Variants in GALNTL6 observed in about 807,000 individuals in gnomAD.
The protein encoded by GALNTL6 is polypeptide N-acetylgalactosaminyltransferase-like 6.
Under a neutral mutation model 73.7 loss-of-function variants are expected in GALNTL6, and 46 were observed. The observed-to-expected ratio is 0.62, with a 90% CI of 0.49 to 0.80. The LOEUF (loss-of-function observed/expected upper bound fraction) is 0.80. Among genes scored for constraint, GALNTL6 ranks in the 30% least tolerant of loss-of-function variants. GALNTL6 has a pLI of 0.00. For synonymous variants in GALNTL6, 259 were observed against 263.7 expected (o/e 0.98, Z 0.17); for missense variants, 604 against 755.0 (o/e 0.80, Z 2.34).
intron 5 of GALNTL6, among the ~76,000 whole-genome samples, chr4:172,552,809 T>C (rs1284391312): frequency 8.1e-6 from 1 of 122,778 alleles, no homozygotes; most frequent in African/African-American, 3.2e-5. Flanking sequence ...AATATCGTTA[T>C]ATTAGGCTGG....
chr4:171,897,779 T>G, intron 2 of GALNTL6, among the ~76,000 whole-genome samples: 1 of 150,058 alleles, frequency 6.7e-6, no homozygotes, highest in South Asian at 2.2e-4. Flanking sequence ...TGCAAAAAAA[T>G]TAGCCAGACA....
intron 2 of GALNTL6, among the ~76,000 whole-genome samples, chr4:172,092,725 C>T (rs566448585): frequency 6.6e-6 from 1 of 152,096 alleles, no homozygotes; most frequent in South Asian, 2.1e-4. Context: ...AAGAGACACA[C>T]AGAATCTTTC....
chr4:172,264,674 A>G (rs1738392353), intron 3 of GALNTL6, among the ~76,000 whole-genome samples: 4 of 145,564 alleles, frequency 2.7e-5, no homozygotes, highest in South Asian at 4.3e-4. Context: ...ATGTATGTGT[A>G]TATATATATA....
intron 2 of GALNTL6, among the ~76,000 whole-genome samples, chr4:172,189,715 T>C (rs558406026): frequency 2.0e-5 from 3 of 152,312 alleles, no homozygotes; most frequent in African/African-American, 4.8e-5. Context: ...GACTTTCTTA[T>C]ATAAAACAAA....
intron 2 of GALNTL6, among the ~76,000 whole-genome samples, chr4:172,174,265 G>A (rs1187488479): frequency 6.6e-6 from 1 of 152,114 alleles, no homozygotes; most frequent in Non-Finnish European, 1.5e-5. Context: ...AAGAAAATGT[G>A]AGGTGAAAAA....
At chr4:172,336,098 G>A (rs756624369) in intron 4 of GALNTL6, among the ~76,000 whole-genome samples, 19 of 151,788 alleles carry the variant, frequency 1.3e-4, no homozygotes, top group Non-Finnish European at 2.1e-4. Context: ...ATGAACTTTC[G>A]TCTTAACACT....
At chr4:172,467,846 C>CTTTCTT (rs1003668050) in intron 5 of GALNTL6, among the ~76,000 whole-genome samples, 8 of 145,082 alleles carry the variant, frequency 5.5e-5, no homozygotes, top group Non-Finnish European at 3.0e-5. Flanking sequence ...TTCTTTCTTT[C>CTTTCTT]TTTCTTTCTT....
intron 5 of GALNTL6, among the ~76,000 whole-genome samples, chr4:172,412,899 T>C (rs1744498154): frequency 6.6e-6 from 1 of 152,196 alleles, no homozygotes; most frequent in Non-Finnish European, 1.5e-5. Flanking sequence ...TCTCCTGTCC[T>C]CTGCCTACTG....
At chr4:172,714,254 C>A (rs1473168490) in intron 5 of GALNTL6, among the ~76,000 whole-genome samples, 1 of 151,894 alleles carries the variant, frequency 6.6e-6, no homozygotes, top group Non-Finnish European at 1.5e-5. Flanking sequence ...TTGGTTAGAT[C>A]AAATGTCTTT....
At position 172,952,253 on chromosome 4, in the gene GALNTL6, G is replaced by C. The variant is rs772106515; in HGVS notation, c.1366G>C (p.Gly456Arg). Reference sequence around the variant, plus strand: ...AGTGGAGCCCCCGCCTGCTGCCTGGGGGGAGGTGAGGAAAGGTTGCCTGAA... The same window carrying C: ...AGTGGAGCCCCCGCCTGCTGCCTGGCGGGAGGTGAGGAAAGGTTGCCTGAA... Reference protein sequence around the residue: ...PPVEPPPAAWGEIRNVAANLC... With the variant: ...PPVEPPPAAWREIRNVAANLC... Residue 456 changes from glycine to arginine, a missense_variant, in exon 10 of 13, where the codon GGG (glycine) becomes CGG (arginine). This residue lies in a region of GALNTL6 where 261 missense variants were observed against 296.5 expected (regional missense o/e 0.88). Transcript: ENST00000506823. The C allele has an allele frequency of 1.3e-5, 21 of 1,612,868 alleles. No individual in the cohort carries two copies. Among genetic ancestry groups the C allele is most frequent in the African/African-American group, 2.7e-5 (2 of 74,884 alleles).
chr4:173,038,940 T>C (rs1486000457), intron 12 of GALNTL6, among the ~76,000 whole-genome samples: 1 of 152,244 alleles, frequency 6.6e-6, no homozygotes, highest in Admixed American at 6.5e-5. Context: ...TCTTAAAATA[T>C]AAGCAGGGAT....
At chr4:172,077,180 A>C (rs1731726110) in intron 2 of GALNTL6, among the ~76,000 whole-genome samples, 1 of 152,170 alleles carries the variant, frequency 6.6e-6, no homozygotes, top group South Asian at 2.1e-4. Flanking sequence ...ACAAATACAG[A>C]AAATTGGTAC....
chr4:172,440,276 C>T (rs558311059), intron 5 of GALNTL6, among the ~76,000 whole-genome samples: 1 of 152,086 alleles, frequency 6.6e-6, no homozygotes, highest in Admixed American at 6.6e-5. Flanking sequence ...TATGGTACAT[C>T]CAAACAATGG....
chr4:172,594,461 T>G (rs1364856814), intron 5 of GALNTL6, among the ~76,000 whole-genome samples: 1 of 152,222 alleles, frequency 6.6e-6, no homozygotes, highest in Non-Finnish European at 1.5e-5. Context: ...CTGTATCACT[T>G]TTATAGTAAT....
rs71594019 is a variant in GALNTL6 at position 172,946,124 on chromosome 4, CGTGTGT to C, written c.1150-5891_1150-5886del. Reference sequence around the variant, plus strand: ...GTTATCACTAGTTTTGGGGAAAAAGCGTGTGTGTGTGTGTGTGTGTGTGTGTGAAGA... The same window carrying C: ...GTTATCACTAGTTTTGGGGAAAAAGCGTGTGTGTGTGTGTGTGTGTGAAGA... On this transcript the variant is annotated intron_variant, in intron 9 of 12. Transcript: ENST00000506823. Among the ~76,000 whole-genome samples, 659 of 148,534 alleles carry C rather than the reference CGTGTGT, an allele frequency of 4.4e-3. 6 individuals are homozygous for C. The highest frequency in any genetic ancestry group is 0.015 in the African/African-American group (621 of 40,618).
At chr4:172,327,527 A>C (rs1037310023) in intron 4 of GALNTL6, among the ~76,000 whole-genome samples, 15 of 152,140 alleles carry the variant, frequency 9.9e-5, no homozygotes, top group Non-Finnish European at 1.9e-4. Flanking sequence ...GTGAGAGTCT[A>C]AACCTCTTGG....
At chr4:172,304,941 T>A (rs545458735) in intron 3 of GALNTL6, among the ~76,000 whole-genome samples, 1 of 152,352 alleles carries the variant, frequency 6.6e-6, no homozygotes, top group African/African-American at 2.4e-5. Flanking sequence ...AGTTCATTAG[T>A]TTTCCACAAT....
chr4:172,785,617 A>C (rs1259205223), intron 5 of GALNTL6, among the ~76,000 whole-genome samples: 1 of 152,124 alleles, frequency 6.6e-6, no homozygotes, highest in African/African-American at 2.4e-5. Flanking sequence ...AAAACGTATG[A>C]TATATCAGAT....
chr4:172,017,602 C>A (rs1741245517), intron 2 of GALNTL6, among the ~76,000 whole-genome samples: 1 of 152,066 alleles, frequency 6.6e-6, no homozygotes, highest in Admixed American at 6.6e-5. Flanking sequence ...CCCTACTATA[C>A]CCAGCACTGT....
Sources: allele counts gnomAD v4.1 joint callset (sites outside exome capture counted in the v4.1 genomes callset), GRCh38; gene constraint gnomAD v4.1.1; regional missense constraint gnomAD v4.1.1; transcripts MANE v1.5; gene names NCBI Gene and HGNC (gene_info 2026-07-23, HGNC 2026-07-21).